Variants in RMDN3 observed in about 807,000 individuals in gnomAD.
The protein encoded by RMDN3 is regulator of microtubule dynamics protein 3.
Under a neutral mutation model 61.8 loss-of-function variants are expected in RMDN3, and 41 were observed. That is an observed-to-expected ratio of 0.66 (90% CI 0.52 to 0.86). RMDN3 has a LOEUF of 0.86. RMDN3 is among the 40% of genes least tolerant of loss of function. RMDN3 has a pLI of 0.00. For missense variants in RMDN3, 557 were observed against 585.3 expected (o/e 0.95, Z 0.50); for synonymous variants, 247 against 232.0 (o/e 1.06, Z -0.59).
chr15:40,751,112 C>T (rs1251747046), intron 4 of RMDN3, among the ~76,000 whole-genome samples: 1 of 152,232 alleles, frequency 6.6e-6, no homozygotes. Context: ...CCAGCTCAGC[C>T]ACCCAAGGAA....
At chr15:40,738,750 CA>C in intron 7 of RMDN3, 174 bp from the exon 8 acceptor site, 1 of 628,510 alleles carries the variant, frequency 1.6e-6, no homozygotes, top group Non-Finnish European at 2.8e-6. Flanking sequence ...CCTCTGGCCC[CA>C]ATTAGTATTC....
chr15:40,748,405 A>G (rs540357575), intron 4 of RMDN3, among the ~76,000 whole-genome samples: 1 of 152,254 alleles, frequency 6.6e-6, no homozygotes, highest in South Asian at 2.1e-4. Context: ...CTCTCATGCC[A>G]CGGGACTGGG....
chr15:40,749,803 A>G (rs2141922431), intron 4 of RMDN3, among the ~76,000 whole-genome samples: 1 of 152,290 alleles, frequency 6.6e-6, no homozygotes, highest in South Asian at 2.1e-4. Context: ...GCCCAGAGCC[A>G]TTTAGGTAAA....
chr15:40,750,364 C>A (rs1335503163), intron 4 of RMDN3, among the ~76,000 whole-genome samples: 2 of 152,038 alleles, frequency 1.3e-5, no homozygotes, highest in Admixed American at 1.3e-4. Flanking sequence ...GGATTACAGG[C>A]ATGCACCACC....
At chr15:40,739,774 C>G (rs901169871) in intron 7 of RMDN3, 1 of 218,032 alleles carries the variant, frequency 4.6e-6, no homozygotes, top group African/African-American at 2.2e-5. Context: ...AGGGATCACA[C>G]GCAGGGGAAA....
Position 40,745,002 on chromosome 15 carries a change from T to C in RMDN3, c.782A>G (p.Gln261Arg). Reference sequence around the variant, plus strand: ...CACCAGCTTGTTGTTGAGCAGCAGCTGGAAGCCCTCCCGCTTGCCTTGCTC... The same window carrying C: ...CACCAGCTTGTTGTTGAGCAGCAGCCGGAAGCCCTCCCGCTTGCCTTGCTC... ...GDEQGKREGF[Q>R]LLLNNKLVYG... Residue 261 changes from glutamine to arginine, a missense_variant, in exon 5 of 13, where the codon CAG becomes CGG. Physicochemically the swap from Gln to Arg is conservative, Grantham distance 43. Coordinates refer to ENST00000338376, the MANE Select transcript of RMDN3 (RefSeq NM_018145.3). 6.2e-7 allele frequency: 1 copy of C among 1,607,620 alleles called. No homozygotes were observed. Among genetic ancestry groups the C allele is most frequent in the Non-Finnish European group, 8.5e-7 (1 of 1,175,398 alleles).
chr15:40,742,061 C>T (rs1897305841), intron 6 of RMDN3, among the ~76,000 whole-genome samples: 1 of 152,046 alleles, frequency 6.6e-6, no homozygotes, highest in Non-Finnish European at 1.5e-5. Flanking sequence ...TCTCTGTTGC[C>T]CAGGCTGGAG....
intron 6 of RMDN3, among the ~76,000 whole-genome samples, chr15:40,741,028 G>C (rs540357215): frequency 2.0e-5 from 3 of 152,022 alleles, no homozygotes; most frequent in African/African-American, 7.2e-5. Context: ...AAGTTGCAAC[G>C]AGCCAAGATT....
intron 6 of RMDN3, among the ~76,000 whole-genome samples, chr15:40,742,490 C>T (rs1035382201): frequency 2.0e-5 from 3 of 152,184 alleles, no homozygotes; most frequent in Non-Finnish European, 2.9e-5. Flanking sequence ...TCCTGCCAAG[C>T]TAGACAGACA....
chr15:40,736,704 G>GTCT, intron 12 of RMDN3, 110 bp from the exon 13 acceptor site: 1 of 912,492 alleles, frequency 1.1e-6, no homozygotes, highest in South Asian at 1.5e-5. Flanking sequence ...CTCTGCTACA[G>GTCT]TCTTTTTCCT....
intron 4 of RMDN3, among the ~76,000 whole-genome samples, chr15:40,746,281 C>T (rs929234919): frequency 5.9e-5 from 9 of 152,020 alleles, no homozygotes; most frequent in Admixed American, 2.0e-4. Context: ...TTTGGGAGGC[C>T]GAGGCGGGCG....
In RMDN3 at chr15:40,736,407, G is replaced by A. The variant is rs547635953; in HGVS notation, c.*134C>T. The A allele has an allele frequency of 6.9e-6, 5 of 725,220 alleles. No homozygotes were observed. The highest frequency in any genetic ancestry group is 3.4e-5 in the South Asian group (2 of 58,342). The allele number at this position is 725,220 out of a possible 1,614,324, so 44.9% of individuals were successfully genotyped here. Reference sequence around the variant, plus strand: ...TAGAATAAATTAACTAATGGGGAGTGGTAGTGGGTAGCAGTCAGACCCAGG... The same window carrying A: ...TAGAATAAATTAACTAATGGGGAGTAGTAGTGGGTAGCAGTCAGACCCAGG... On this transcript the variant is annotated 3_prime_UTR_variant, in exon 13 of 13. Coordinates refer to ENST00000338376, the MANE Select transcript of RMDN3 (RefSeq NM_018145.3).
chr15:40,750,530 G>C (rs997210474), intron 4 of RMDN3, among the ~76,000 whole-genome samples: 11 of 151,712 alleles, frequency 7.3e-5, no homozygotes, highest in Admixed American at 1.3e-4. Context: ...TGTCCAGGAT[G>C]GTCTCAAGCT....
rs139558805 is a variant in RMDN3, at chr15:40,754,870, G to A, written c.-7-80C>T. 10 of 1,253,096 alleles carry A rather than the reference G, an allele frequency of 8.0e-6. No homozygotes were observed. The African/African-American group carries it at 1.0e-4, about 13-fold the overall frequency. The allele number at this position is 1,253,096 out of a possible 1,614,324, so 77.6% of individuals were successfully genotyped here. A position where few individuals can be genotyped will look rare whatever the true frequency, so the allele number is the denominator to read the frequency against. On this transcript the variant is annotated intron_variant, in intron 1 of 12. Transcript: ENST00000338376. ...AGGAGAGAGAGAGATTCGTGAACCC[G>A]GTAAACCCACCCTCAAGGCTGAACC...
intron 7 of RMDN3, chr15:40,739,073 TTC>T (rs1897178713): frequency 1.3e-5 from 2 of 152,526 alleles, no homozygotes; most frequent in African/African-American, 4.8e-5. Context: ...TTCTAGGAAT[TTC>T]TGATGTTACT....
intron 6 of RMDN3, among the ~76,000 whole-genome samples, chr15:40,741,436 G>C (rs557689767): frequency 6.7e-4 from 102 of 152,100 alleles, no homozygotes; most frequent in Non-Finnish European, 1.3e-3. Flanking sequence ...ACTGAGGTCT[G>C]ACCAGAGATG....
At chr15:40,744,295 T>TCCC in intron 5 of RMDN3, 146 bp from the exon 6 acceptor site, 1 of 657,880 alleles carries the variant, frequency 1.5e-6, no homozygotes, top group East Asian at 2.8e-5. Context: ...CACGCAGCCT[T>TCCC]CCCCCCAGTC....
At chr15:40,751,369 C>A (rs557688919) in intron 4 of RMDN3, 57 bp downstream of exon 4, 1 of 1,587,054 alleles carries the variant, frequency 6.3e-7, no homozygotes, top group African/African-American at 1.4e-5. Context: ...ATTGATAATA[C>A]TTTTACAAAA....
Position 40,744,035 on chromosome 15 carries a change from G to T in RMDN3, c.910+12C>A. The T allele has an allele frequency of 6.2e-7, 1 of 1,605,620 alleles. No homozygotes were observed. The highest frequency in any genetic ancestry group is 8.5e-7 in the Non-Finnish European group (1 of 1,175,336). ...GTCAGTCACCTTCCCACAGGAAGCT[G>T]TCAGCACTTACCATCTAGGGCATAT... On this transcript the variant is annotated intron_variant, in intron 6 of 12. Transcript: ENST00000338376.
Sources: allele counts gnomAD v4.1 joint callset (sites outside exome capture counted in the v4.1 genomes callset), GRCh38; gene constraint gnomAD v4.1.1; transcripts MANE v1.5; gene names NCBI Gene and HGNC (gene_info 2026-07-23, HGNC 2026-07-21).